PEBP4: variants seen among roughly 807,000 people sequenced by gnomAD.
PEBP4 encodes phosphatidylethanolamine binding protein 4.
In PEBP4, 22 loss-of-function variants were observed where a neutral mutation model predicts 23.9. The observed-to-expected ratio is 0.92, with a 90% CI of 0.66 to 1.31. The LOEUF (loss-of-function observed/expected upper bound fraction) is 1.31. PEBP4 is among the 40% of genes most tolerant of loss of function. The pLI is 0.00. For synonymous variants in PEBP4, 112 were observed against 99.3 expected, an observed-to-expected ratio of 1.13 and a Z score of -0.76; for missense variants, 324 against 281.7, an observed-to-expected ratio of 1.15 and a Z score of -1.07.
chr8:22,858,894 C>T (rs868175896), intron 3 of PEBP4, among the ~76,000 whole-genome samples: 17 of 152,156 alleles, frequency 1.1e-4, no homozygotes, highest in African/African-American at 3.1e-4. Context: ...TTGCAGTGAG[C>T]CAAGATTGCA....
chr8:22,935,887 G>A (rs576895281), intron 1 of PEBP4, among the ~76,000 whole-genome samples: 82 of 152,068 alleles, frequency 5.4e-4, no homozygotes, highest in Non-Finnish European at 1.9e-4. Context: ...CAAGATGTAT[G>A]GGATGCAGTG....
intron 3 of PEBP4, among the ~76,000 whole-genome samples, chr8:22,825,411 A>C (rs1407827910): frequency 6.6e-6 from 1 of 152,238 alleles, no homozygotes; most frequent in Non-Finnish European, 1.5e-5. Flanking sequence ...ACTTCCAACA[A>C]GGGAAGTGAA....
chr8:22,849,411 G>C (rs753352781), intron 3 of PEBP4, among the ~76,000 whole-genome samples: 14 of 152,192 alleles, frequency 9.2e-5, no homozygotes, highest in Non-Finnish European at 1.9e-4. Flanking sequence ...GCACAGGCAG[G>C]GAAAGGAAAG....
At chr8:22,768,457 G>A (rs535750105) in intron 4 of PEBP4, among the ~76,000 whole-genome samples, 130 of 152,330 alleles carry the variant, frequency 8.5e-4, no homozygotes, top group African/African-American at 3.1e-3. Flanking sequence ...GACAGCCTCA[G>A]TGAACAAAGC....
intron 4 of PEBP4, among the ~76,000 whole-genome samples, chr8:22,772,955 C>A (rs1054004968): frequency 6.6e-6 from 1 of 152,194 alleles, no homozygotes; most frequent in Admixed American, 6.5e-5. Context: ...GCTCTCATAG[C>A]TAACAGGGGC....
intron 3 of PEBP4, among the ~76,000 whole-genome samples, chr8:22,830,570 T>C (rs1032932218): frequency 6.6e-6 from 1 of 152,174 alleles, no homozygotes; most frequent in African/African-American, 2.4e-5. Context: ...CCACTTTCCA[T>C]CTTCCTTTGG....
At chr8:22,743,803 T>C (rs1430661302) in intron 4 of PEBP4, among the ~76,000 whole-genome samples, 13 of 152,222 alleles carry the variant, frequency 8.5e-5, no homozygotes, top group Admixed American at 8.5e-4. Flanking sequence ...CAGGTACTGA[T>C]AGGAGCTCCC....
At chr8:22,741,191 C>T (rs1020494507) in intron 4 of PEBP4, among the ~76,000 whole-genome samples, 1 of 152,198 alleles carries the variant, frequency 6.6e-6, no homozygotes, top group African/African-American at 2.4e-5. Flanking sequence ...CTCGGGTCTC[C>T]CTCCTCCGAG....
chr8:22,911,862 G>C (rs7010513), intron 3 of PEBP4, among the ~76,000 whole-genome samples: 53,067 of 152,030 alleles, frequency 0.35, 10,131 homozygotes, highest in African/African-American at 0.52. Flanking sequence ...GTAGATCAGC[G>C]CACACAGTTT....
intron 4 of PEBP4, among the ~76,000 whole-genome samples, chr8:22,765,889 T>C: frequency 7.0e-6 from 1 of 143,566 alleles, no homozygotes; most frequent in South Asian, 2.3e-4. Flanking sequence ...TCACCACCTG[T>C]GGATCACCAC....
intron 4 of PEBP4, among the ~76,000 whole-genome samples, chr8:22,743,510 G>A (rs977754001): frequency 3.3e-5 from 5 of 152,212 alleles, no homozygotes; most frequent in South Asian, 4.1e-4. Context: ...CCAGGAGCCT[G>A]ATGGCAGCCC....
At chr8:22,826,265 G>A (rs1463042593) in intron 3 of PEBP4, among the ~76,000 whole-genome samples, 1 of 152,212 alleles carries the variant, frequency 6.6e-6, no homozygotes, top group Non-Finnish European at 1.5e-5. Context: ...TCTTTCCAAA[G>A]ACACTGCACA....
chr8:22,738,761 A>G (rs1804925202), intron 4 of PEBP4, among the ~76,000 whole-genome samples: 1 of 152,176 alleles, frequency 6.6e-6, no homozygotes, highest in Non-Finnish European at 1.5e-5. Context: ...ATGCATGTTC[A>G]CACATGCTCA....
At chr8:22,776,268 T>G (rs534682033) in intron 4 of PEBP4, among the ~76,000 whole-genome samples, 4 of 152,330 alleles carry the variant, frequency 2.6e-5, no homozygotes, top group South Asian at 4.1e-4. Context: ...AACCCTTCCC[T>G]TTCCCCTTTC....
intron 4 of PEBP4, among the ~76,000 whole-genome samples, chr8:22,754,313 G>A (rs1332774599): frequency 6.6e-6 from 1 of 152,204 alleles, no homozygotes; most frequent in Non-Finnish European, 1.5e-5. Context: ...GACTGCGGGT[G>A]TATTAAGATC....
chr8:22,852,457 T>A (rs775627768), intron 3 of PEBP4, among the ~76,000 whole-genome samples: 10 of 152,030 alleles, frequency 6.6e-5, no homozygotes, highest in Non-Finnish European at 1.5e-4. Flanking sequence ...CCCAAACCCA[T>A]GTAAAAAGGA....
At chr8:22,723,082 G>A (rs1804552126) in intron 6 of PEBP4, among the ~76,000 whole-genome samples, 1 of 152,060 alleles carries the variant, frequency 6.6e-6, no homozygotes, top group Admixed American at 6.5e-5. Context: ...CGCCCAGCCT[G>A]GGAGGGCCAT....
chr8:22,910,349 C>G (rs1283276302), intron 3 of PEBP4, among the ~76,000 whole-genome samples: 2 of 152,280 alleles, frequency 1.3e-5, no homozygotes, highest in African/African-American at 4.8e-5. Context: ...TGCTCCATAT[C>G]ACGGCACGCA....
intron 4 of PEBP4, among the ~76,000 whole-genome samples, chr8:22,758,945 C>T (rs1203687631): frequency 6.6e-6 from 1 of 151,650 alleles, no homozygotes; most frequent in Non-Finnish European, 1.5e-5. Context: ...CTGGTCAGTG[C>T]ACACTGGCAG....
Sources: allele counts gnomAD v4.1 joint callset (sites outside exome capture counted in the v4.1 genomes callset), GRCh38; gene constraint gnomAD v4.1.1; transcripts MANE v1.5; gene names NCBI Gene and HGNC (gene_info 2026-07-23, HGNC 2026-07-21).